PTPRE: variants seen among roughly 807,000 people sequenced by gnomAD.
The protein encoded by PTPRE is receptor-type tyrosine-protein phosphatase epsilon.
PTPRE carries 51 observed loss-of-function variants against 102.0 expected under a neutral mutation model. The observed-to-expected ratio is 0.50, with a 90% CI of 0.40 to 0.63. The LOEUF (loss-of-function observed/expected upper bound fraction) is 0.63, where lower values mean the gene tolerates loss of function less well. Ranked by LOEUF, PTPRE falls within the 30% of genes least tolerant of loss-of-function variation. PTPRE has a pLI of 0.00. For missense variants in PTPRE, 752 were observed against 915.1 expected (o/e 0.82, Z 2.30); for synonymous variants, 345 against 348.2 (o/e 0.99, Z 0.10).
chr10:128,059,168 A>G (rs543842930), intron 7 of PTPRE, among the ~76,000 whole-genome samples: 2 of 152,378 alleles, frequency 1.3e-5, no homozygotes, highest in South Asian at 4.1e-4. Flanking sequence ...CTCAAAGCGT[A>G]AACCATTCCA....
intron 3 of PTPRE, among the ~76,000 whole-genome samples, chr10:128,047,042 G>A (rs114418990): frequency 0.017 from 2,657 of 152,298 alleles, 63 homozygotes; most frequent in African/African-American, 0.043. Flanking sequence ...GCTGTCCTAG[G>A]ACCCTGCAGT....
At chr10:127,921,459 G>A (rs1846597764) in intron 1 of PTPRE, among the ~76,000 whole-genome samples, 1 of 152,222 alleles carries the variant, frequency 6.6e-6, no homozygotes, top group Non-Finnish European at 1.5e-5. Context: ...GGCTCACTCA[G>A]GGAGCAGTCA....
chr10:128,020,496 G>T (rs766757631), intron 2 of PTPRE, among the ~76,000 whole-genome samples: 12 of 152,168 alleles, frequency 7.9e-5, no homozygotes, highest in Non-Finnish European at 1.8e-4. Context: ...TCTTACTGTG[G>T]CTCAGTATTT....
rs1461604047 is a variant in PTPRE, at chr10:127,996,996, A to G, written c.-8+14700A>G. Among the ~76,000 whole-genome samples, 3 of 152,224 alleles carry G rather than the reference A, an allele frequency of 2.0e-5. No homozygotes were observed. The East Asian group carries it at 5.8e-4, about 29-fold the overall frequency. Reference sequence around the variant, plus strand: ...AAACAAAGAAAGAAAGAAAAAGAAGAAATTAAAACATGCAAAGCAAAAAAC... The same window carrying G: ...AAACAAAGAAAGAAAGAAAAAGAAGGAATTAAAACATGCAAAGCAAAAAAC... On this transcript the variant is annotated intron_variant, in intron 2 of 20. Coordinates refer to ENST00000254667, the MANE Select transcript of PTPRE (RefSeq NM_006504.6).
At chr10:128,032,613 C>T (rs1043295407) in intron 2 of PTPRE, among the ~76,000 whole-genome samples, 5 of 152,194 alleles carry the variant, frequency 3.3e-5, no homozygotes, top group Admixed American at 6.5e-5. Flanking sequence ...AACCAACTCC[C>T]GTTGGCCTCC....
At chr10:127,952,638 C>T (rs1037334859) in intron 1 of PTPRE, among the ~76,000 whole-genome samples, 6 of 152,058 alleles carry the variant, frequency 3.9e-5, no homozygotes, top group South Asian at 4.2e-4. Context: ...CCATAGTACT[C>T]AGCCTATAGG....
At chr10:128,020,542 C>T (rs770561007) in intron 2 of PTPRE, among the ~76,000 whole-genome samples, 2 of 152,138 alleles carry the variant, frequency 1.3e-5, no homozygotes, top group Admixed American at 6.5e-5. Flanking sequence ...TAACCCTGGA[C>T]GTATTCTCTT....
intron 12 of PTPRE, 45 bp from the exon 13 acceptor site, chr10:128,069,647 G>A (rs1229140276): frequency 6.2e-7 from 1 of 1,610,100 alleles, no homozygotes; most frequent in African/African-American, 1.3e-5. Context: ...ATTTACTTCG[G>A]GAGGAGTGTG....
At chr10:128,063,258 C>A in intron 10 of PTPRE, 78 bp downstream of exon 10, 1 of 1,561,100 alleles carries the variant, frequency 6.4e-7, no homozygotes, top group South Asian at 1.2e-5. Flanking sequence ...TTACCACTTC[C>A]TTTTCCTACT....
intron 1 of PTPRE, among the ~76,000 whole-genome samples, chr10:127,969,436 G>A (rs1380705401): frequency 6.6e-6 from 1 of 152,176 alleles, no homozygotes; most frequent in Non-Finnish European, 1.5e-5. Flanking sequence ...GGGAGGCTGA[G>A]ACTGGCAGAT....
At chr10:128,063,519 A>G (rs1213623376) in intron 10 of PTPRE, among the ~76,000 whole-genome samples, 1 of 152,234 alleles carries the variant, frequency 6.6e-6, no homozygotes, top group Non-Finnish European at 1.5e-5. Flanking sequence ...GTCATGCGGC[A>G]GAGCTCAGGC....
At chr10:128,074,478 C>T (rs1851051345) in intron 17 of PTPRE, among the ~76,000 whole-genome samples, 1 of 152,146 alleles carries the variant, frequency 6.6e-6, no homozygotes, top group Admixed American at 6.5e-5. Flanking sequence ...CCAGCCTGGC[C>T]AACATGGCAA....
chr10:127,953,215 G>T (rs1849163160), intron 1 of PTPRE, among the ~76,000 whole-genome samples: 1 of 152,220 alleles, frequency 6.6e-6, no homozygotes, highest in Non-Finnish European at 1.5e-5. Flanking sequence ...TCTGCCCCTT[G>T]GGCCATATGA....
intron 1 of PTPRE, among the ~76,000 whole-genome samples, chr10:127,925,823 G>GA (rs747036386): frequency 1.1e-4 from 16 of 152,266 alleles, no homozygotes; most frequent in Admixed American, 9.2e-4. Context: ...TCCCCTGGGA[G>GA]GTGGAGCACT....
At position 128,040,951 on chromosome 10, in the gene PTPRE, G is replaced by C. The variant is rs576132497; in HGVS notation, c.70G>C (p.Glu24Gln). ...GCTCGCCAGGGCTCTCAGGGGCAAC[G>C]AGACCACTGCCGACAGCAACGAGAC... The part of the protein sequence containing the change: ...LPLARALRGN[E>Q]TTADSNETTT... The change falls in exon 3 of 21, where the codon GAG (glutamate) becomes CAG (glutamine). Residue 24 changes from glutamate (E) to glutamine (Q), a missense_variant. This residue lies in a region of PTPRE where 116 missense variants were observed against 90.8 expected (regional missense o/e 1.28). Transcript: ENST00000254667. 1.2e-6 allele frequency: 2 copies of C among 1,614,056 alleles called. No individual in the cohort carries two copies. The highest frequency in any genetic ancestry group is 1.1e-5 in the South Asian group (1 of 91,082).
intron 2 of PTPRE, among the ~76,000 whole-genome samples, chr10:127,991,015 G>A (rs1264301296): frequency 6.6e-6 from 1 of 152,154 alleles, no homozygotes; most frequent in Non-Finnish European, 1.5e-5. Context: ...GGTTCCGGGG[G>A]CCGCGTGATG....
intron 6 of PTPRE, among the ~76,000 whole-genome samples, chr10:128,052,801 C>A (rs1848655156): frequency 6.6e-6 from 1 of 152,212 alleles, no homozygotes; most frequent in South Asian, 2.1e-4. Flanking sequence ...GCTTCCAGCA[C>A]AACAAACAAA....
Position 128,070,061 on chromosome 10 carries a change from G to A in PTPRE, c.1143+234G>A, listed in dbSNP as rs1354357446. ...ATGGGGCAATCCTACTCCCCCAAACGGTGCATGTACACAGTGCGTGGCGTG... is the reference window on the plus strand; with the variant it reads ...ATGGGGCAATCCTACTCCCCCAAACAGTGCATGTACACAGTGCGTGGCGTG... On this transcript the variant is annotated intron_variant, in intron 13 of 20. Coordinates refer to ENST00000254667, the MANE Select transcript of PTPRE (RefSeq NM_006504.6). This position sits in a 1 kb window ranked among gnomAD's most constrained non-coding sequence, Gnocchi z 4.8. 7.2e-6 allele frequency: 5 copies of A among 698,388 alleles called. No homozygotes were observed. Among genetic ancestry groups the A allele is most frequent in the African/African-American group, 5.4e-5 (3 of 55,582 alleles). The allele number at this position is 698,388 out of a possible 1,614,324, so 43.3% of individuals were successfully genotyped here. A position where few individuals can be genotyped will look rare whatever the true frequency, so the allele number is the denominator to read the frequency against.
intron 1 of PTPRE, among the ~76,000 whole-genome samples, chr10:127,963,459 G>A (rs777246614): frequency 1.9e-4 from 29 of 152,178 alleles, no homozygotes; most frequent in Non-Finnish European, 3.1e-4. Context: ...ATGCATCCTG[G>A]TGTCTTCAGA....
Sources: allele counts gnomAD v4.1 joint callset (sites outside exome capture counted in the v4.1 genomes callset), GRCh38; gene constraint gnomAD v4.1.1; regional missense constraint gnomAD v4.1.1; non-coding constraint Gnocchi (gnomAD v3.1); transcripts MANE v1.5; gene names NCBI Gene and HGNC (gene_info 2026-07-23, HGNC 2026-07-21).